MAPK4: variants seen among roughly 807,000 people sequenced by gnomAD.
MAPK4 encodes the protein Erk3-related.
Under a neutral mutation model 47.7 loss-of-function variants are expected in MAPK4, and 22 were observed. The observed-to-expected ratio is 0.46, with a 90% CI of 0.33 to 0.66. MAPK4 has a LOEUF of 0.66. Ranked by LOEUF, MAPK4 falls within the 30% of genes least tolerant of loss-of-function variation. The probability of loss-of-function intolerance (pLI) is 0.02; values close to 1 mark genes in which losing one functional copy is unlikely to be tolerated. For synonymous variants in MAPK4, 390 were observed against 365.7 expected, an observed-to-expected ratio of 1.07 and a Z score of -0.76; for missense variants, 736 against 831.7, an observed-to-expected ratio of 0.88 and a Z score of 1.42.
intron 1 of MAPK4, among the ~76,000 whole-genome samples, chr18:50,597,372 A>G (rs2042491521): frequency 1.3e-5 from 2 of 152,220 alleles, no homozygotes; most frequent in South Asian, 4.1e-4. Context: ...CCAGTCCTGA[A>G]TGATGCTCAC....
chr18:50,722,646 G>A (rs941963939), intron 4 of MAPK4, among the ~76,000 whole-genome samples: 38 of 152,132 alleles, frequency 2.5e-4, no homozygotes, highest in African/African-American at 3.6e-4. Flanking sequence ...CTCAGCAGCC[G>A]AAACGTCCAT....
chr18:50,572,952 A>G (rs2042262733), intron 1 of MAPK4, among the ~76,000 whole-genome samples: 1 of 152,224 alleles, frequency 6.6e-6, no homozygotes, highest in Non-Finnish European at 1.5e-5. Context: ...TTTCCTCTCC[A>G]GTAATGGATA....
intron 2 of MAPK4, among the ~76,000 whole-genome samples, chr18:50,684,533 G>A (rs1257019830): frequency 6.7e-6 from 1 of 149,926 alleles, no homozygotes; most frequent in Non-Finnish European, 1.5e-5. Flanking sequence ...GTGAGAGAGC[G>A]AGCCCCTGAC....
At chr18:50,696,794 C>T (rs1909535149) in intron 2 of MAPK4, among the ~76,000 whole-genome samples, 1 of 152,214 alleles carries the variant, frequency 6.6e-6, no homozygotes, top group Non-Finnish European at 1.5e-5. Context: ...TGGCAGCACA[C>T]ACCAACACCA....
chr18:50,717,904 C>T (rs893236627), intron 3 of MAPK4, among the ~76,000 whole-genome samples: 1 of 152,220 alleles, frequency 6.6e-6, no homozygotes, highest in African/African-American at 2.4e-5. Flanking sequence ...CACAGCTGCT[C>T]ATCTGCTGTG....
chr18:50,573,823 A>G (rs117221153), intron 1 of MAPK4, among the ~76,000 whole-genome samples: 4,508 of 152,260 alleles, frequency 0.03, 88 homozygotes, highest in Non-Finnish European at 0.045. Context: ...TGTGTAACTT[A>G]TATTCTGCAG....
At chr18:50,565,020 C>CTTGGGAAAGCAGTCT (rs918577472) in intron 1 of MAPK4, among the ~76,000 whole-genome samples, 4 of 152,288 alleles carry the variant, frequency 2.6e-5, no homozygotes, top group East Asian at 3.9e-4. Flanking sequence ...TCATTAGCTT[C>CTTGGGAAAGCAGTCT]TTGGGAAAGC....
At chr18:50,636,822 AC>A (rs1207831139) in intron 1 of MAPK4, among the ~76,000 whole-genome samples, 18 of 152,260 alleles carry the variant, frequency 1.2e-4, no homozygotes, top group African/African-American at 4.3e-4. Context: ...ATAGTGTCTT[AC>A]GTCACTCAGA....
intron 1 of MAPK4, among the ~76,000 whole-genome samples, chr18:50,598,040 C>G (rs543938905): frequency 4.9e-4 from 74 of 152,354 alleles, no homozygotes; most frequent in African/African-American, 1.8e-3. Flanking sequence ...TAAAAATTCA[C>G]TCTCACACAT....
At position 50,730,049 on chromosome 18, in the gene MAPK4, T is replaced by A. The variant is rs1911475153; in HGVS notation, c.*195T>A. 1 of 530,786 alleles carries A rather than the reference T, an allele frequency of 1.9e-6. No individual in the cohort carries two copies. The highest frequency in any genetic ancestry group is 1.9e-5 in the African/African-American group (1 of 52,724). The allele number at this position is 530,786 out of a possible 1,614,324, so 32.9% of individuals were successfully genotyped here. On this transcript the variant is annotated 3_prime_UTR_variant, in exon 6 of 6. Transcript: ENST00000400384. The stretch of plus-strand genomic sequence containing the variant: ...CTAGCCTTTAACCTGTGGGAGCGGG[T>A]TTGAACAGGACCCTGGCTTAGGGGT...
At chr18:50,686,911 GTT>G (rs1362154164) in intron 2 of MAPK4, among the ~76,000 whole-genome samples, 1 of 152,178 alleles carries the variant, frequency 6.6e-6, no homozygotes, top group Non-Finnish European at 1.5e-5. Flanking sequence ...TGCCACTAGT[GTT>G]TTCCACAAAG....
chr18:50,663,809 G>C lies in MAPK4; in HGVS notation c.-150G>C. ...CATATGCCATTCTCGTCTCCAGAGAGCTGGTGGCAGTGACCTCACTAGGAG... is the reference window on the plus strand; with the variant it reads ...CATATGCCATTCTCGTCTCCAGAGACCTGGTGGCAGTGACCTCACTAGGAG... On this transcript the variant is annotated 5_prime_UTR_variant, in exon 2 of 6. Transcript: ENST00000400384. The C allele has an allele frequency of 1.6e-6, 1 of 644,560 alleles. No individual in the cohort carries two copies. The highest frequency in any genetic ancestry group is 2.7e-6 in the Non-Finnish European group (1 of 375,904). The allele number at this position is 644,560 out of a possible 1,614,324, so 39.9% of individuals were successfully genotyped here.
At chr18:50,715,788 A>G (rs1255316491) in intron 3 of MAPK4, among the ~76,000 whole-genome samples, 1 of 152,178 alleles carries the variant, frequency 6.6e-6, no homozygotes, top group Non-Finnish European at 1.5e-5. Context: ...AGGCTATGGT[A>G]CTTTGTTATG....
intron 1 of MAPK4, among the ~76,000 whole-genome samples, chr18:50,641,959 A>G (rs1309982935): frequency 6.6e-6 from 1 of 152,230 alleles, no homozygotes; most frequent in Admixed American, 6.5e-5. Context: ...CTTCTGTGGC[A>G]ACATTACTTC....
intron 1 of MAPK4, among the ~76,000 whole-genome samples, chr18:50,641,453 C>G (rs543378717): frequency 6.6e-6 from 1 of 152,114 alleles, no homozygotes; most frequent in African/African-American, 2.4e-5. Context: ...AAATAACACA[C>G]TCTGTTCTAT....
chr18:50,630,338 A>G (rs1311743883), intron 1 of MAPK4, among the ~76,000 whole-genome samples: 1 of 152,144 alleles, frequency 6.6e-6, no homozygotes, highest in Non-Finnish European at 1.5e-5. Flanking sequence ...ACAGGCGTGC[A>G]CCACCACGCC....
At chr18:50,570,911 A>G (rs920531612) in intron 1 of MAPK4, among the ~76,000 whole-genome samples, 1 of 152,128 alleles carries the variant, frequency 6.6e-6, no homozygotes, top group Non-Finnish European at 1.5e-5. Context: ...CAGAGCCTCC[A>G]TTGGTTTTTG....
chr18:50,593,241 A>G (rs1369212150), intron 1 of MAPK4, among the ~76,000 whole-genome samples: 1 of 152,064 alleles, frequency 6.6e-6, no homozygotes, highest in Non-Finnish European at 1.5e-5. Context: ...TGCAATTTCT[A>G]CCCTAGAGTT....
At chr18:50,690,237 T>C (rs866926855) in intron 2 of MAPK4, among the ~76,000 whole-genome samples, 1 of 152,222 alleles carries the variant, frequency 6.6e-6, no homozygotes, top group Non-Finnish European at 1.5e-5. Context: ...TCCTTACAAA[T>C]AGTAGAAAAG....
Sources: gnomAD v4.1 joint callset for allele counts (sites outside exome capture counted in the v4.1 genomes callset) on GRCh38, gnomAD v4.1.1 for gene constraint, MANE v1.5 for transcripts, NCBI Gene and HGNC (gene_info 2026-07-23, HGNC 2026-07-21) for gene names.